Variants in STXBP3 observed in about 807,000 individuals in gnomAD.
STXBP3 encodes syntaxin-binding protein 3.
STXBP3 carries 41 observed loss-of-function variants against 85.7 expected under a neutral mutation model. The ratio of observed to expected loss-of-function variants is 0.48; its 90% CI spans 0.37 to 0.62. The LOEUF (loss-of-function observed/expected upper bound fraction) is 0.62, where lower values mean the gene tolerates loss of function less well. Ranked by LOEUF, STXBP3 falls within the 20% of genes least tolerant of loss-of-function variation. The pLI is 0.00. For synonymous variants in STXBP3, 229 were observed against 231.7 expected (o/e 0.99, Z 0.10); for missense variants, 563 against 703.1 (o/e 0.80, Z 2.25).
chr1:108,808,416 G>A (rs1465967114), intron 18 of STXBP3, among the ~76,000 whole-genome samples: 3 of 152,208 alleles, frequency 2.0e-5, no homozygotes, highest in East Asian at 1.9e-4. Flanking sequence ...CCATGGAGGC[G>A]ATGGATCTGT....
chr1:108,782,812 C>A, intron 11 of STXBP3, 106 bp downstream of exon 11: 1 of 1,085,132 alleles, frequency 9.2e-7, no homozygotes, highest in Non-Finnish European at 1.3e-6. Flanking sequence ...AAAGTTCTAA[C>A]ATGGAGGTAG....
chr1:108,772,942 G>GCTCT, intron 7 of STXBP3, 123 bp downstream of exon 7: 1 of 905,820 alleles, frequency 1.1e-6, no homozygotes, highest in East Asian at 3.4e-5. Flanking sequence ...TGATTACCAT[G>GCTCT]CTCTACATAT....
intron 8 of STXBP3, 28 bp downstream of exon 8, chr1:108,776,451 A>G (rs1304117038): frequency 5.3e-6 from 8 of 1,506,614 alleles, no homozygotes; most frequent in East Asian, 2.3e-5. Context: ...AGTAATGACT[A>G]TGCATAAAGT....
At chr1:108,766,913 A>G (rs771383068) in intron 6 of STXBP3, 6 of 531,750 alleles carry the variant, frequency 1.1e-5, no homozygotes, top group African/African-American at 1.9e-5. Context: ...AGAAACTGTA[A>G]TATGGAACTG....
chr1:108,772,211 TGTATC>T, intron 6 of STXBP3, among the ~76,000 whole-genome samples: 1 of 57,038 alleles, frequency 1.8e-5, no homozygotes, highest in Non-Finnish European at 4.3e-5. Flanking sequence ...GATATCTATC[TGTATC>T]ATATATAAAT....
chr1:108,793,157 A>ATTTTTTTTTC lies in STXBP3; in HGVS notation c.964-416_964-415insCTTTTTTTTT, dbSNP rs751400870. On this transcript the variant is annotated intron_variant, in intron 11 of 18. Coordinates refer to ENST00000370008, the MANE Select transcript of STXBP3 (RefSeq NM_007269.4). ...CTCACAGCCCCAAGCTCTTATCTCC[A>ATTTTTTTTTC]TTTTTTTTTTTTTTTTTTTTTTTTT... Among the ~76,000 whole-genome samples, 5 of 67,510 alleles carry ATTTTTTTTTC rather than the reference A, an allele frequency of 7.4e-5. 1 individual carries two copies. The highest frequency in any genetic ancestry group is 9.3e-4 in the East Asian group (2 of 2,154). The allele number at this position is 67,510 out of a possible 152,430, so 44.3% of individuals were successfully genotyped here. A position where few individuals can be genotyped will look rare whatever the true frequency, so the allele number is the denominator to read the frequency against.
rs115084184 is a variant in STXBP3 at position 108,773,538 on chromosome 1, G to A, written c.593+719G>A. ...ATTTAAGAAAGATTAATAAAAACAG[G>A]ATCATTTTTTTGCCCAGTTATTCTA... On this transcript the variant is annotated intron_variant, in intron 7 of 18. Coordinates refer to ENST00000370008, the MANE Select transcript of STXBP3 (RefSeq NM_007269.4). Among the ~76,000 whole-genome samples, 1,362 of 152,204 alleles carry A rather than the reference G, an allele frequency of 8.9e-3. 7 individuals are homozygous for A. The highest frequency in any genetic ancestry group is 0.014 in the Non-Finnish European group (964 of 68,006).
At chr1:108,774,792 C>T (rs1004869889) in intron 7 of STXBP3, among the ~76,000 whole-genome samples, 3 of 151,792 alleles carry the variant, frequency 2.0e-5, no homozygotes, top group Admixed American at 2.0e-4. Flanking sequence ...ACATTCTGGA[C>T]TCAGTGGAGC....
intron 3 of STXBP3, among the ~76,000 whole-genome samples, chr1:108,753,840 A>G (rs989445852): frequency 2.4e-4 from 36 of 152,130 alleles, no homozygotes; most frequent in Non-Finnish European, 4.4e-4. Context: ...CTATGAAGAC[A>G]GATAAATACT....
At chr1:108,782,985 C>G (rs553750335) in intron 11 of STXBP3, among the ~76,000 whole-genome samples, 1 of 152,186 alleles carries the variant, frequency 6.6e-6, no homozygotes, top group Non-Finnish European at 1.5e-5. Flanking sequence ...TCACTGCAGT[C>G]TCCGCCTCCC....
chr1:108,773,052 A>G (rs1016669971), intron 7 of STXBP3, among the ~76,000 whole-genome samples: 2 of 152,168 alleles, frequency 1.3e-5, no homozygotes, highest in Non-Finnish European at 2.9e-5. Flanking sequence ...ACGGTTTTTC[A>G]TCAGTTTAAA....
At chr1:108,787,990 C>G (rs1662894544) in intron 11 of STXBP3, among the ~76,000 whole-genome samples, 1 of 151,958 alleles carries the variant, frequency 6.6e-6, no homozygotes, top group South Asian at 2.1e-4. Context: ...CAGAATTTCA[C>G]CATATTGCTC....
intron 11 of STXBP3, among the ~76,000 whole-genome samples, chr1:108,787,832 C>T (rs898926274): frequency 1.3e-5 from 2 of 151,898 alleles, no homozygotes; most frequent in Non-Finnish European, 1.5e-5. Flanking sequence ...TTCTGTCACC[C>T]AGGCTGGAGT....
intron 6 of STXBP3, among the ~76,000 whole-genome samples, chr1:108,765,846 A>ATTTTT (rs1221460441): frequency 2.7e-5 from 2 of 74,016 alleles, no homozygotes; most frequent in African/African-American, 5.9e-5. Flanking sequence ...TGCTCCCGGC[A>ATTTTT]TTTTTTTTTT....
chr1:108,748,344 G>A (rs1245171934), intron 1 of STXBP3, among the ~76,000 whole-genome samples: 6 of 151,988 alleles, frequency 3.9e-5, no homozygotes, highest in African/African-American at 7.2e-5. Flanking sequence ...AACAAAGTGA[G>A]ACCCCATCTC....
At chr1:108,769,149 G>A (rs573207471) in intron 6 of STXBP3, among the ~76,000 whole-genome samples, 50 of 152,152 alleles carry the variant, frequency 3.3e-4, no homozygotes, top group Admixed American at 2.6e-3. Flanking sequence ...AAAAGAAAAT[G>A]TTATTAAGAA....
chr1:108,746,814 G>A, intron 1 of STXBP3, 28 bp downstream of exon 1: 1 of 1,548,452 alleles, frequency 6.5e-7, no homozygotes, highest in Non-Finnish European at 8.7e-7. Context: ...GGGGTTGAGA[G>A]AGGGAAGGCC....
intron 17 of STXBP3, among the ~76,000 whole-genome samples, chr1:108,802,309 A>AT (rs1663249067): frequency 6.6e-6 from 1 of 152,308 alleles, no homozygotes; most frequent in African/African-American, 2.4e-5. Flanking sequence ...AGGCAGGAGA[A>AT]TCGCTTGAAC....
rs189107602 is a variant in STXBP3 at position 108,790,273 on chromosome 1, A to T, written c.964-3309A>T. Among the ~76,000 whole-genome samples, 94 of 152,308 alleles carry T rather than the reference A, an allele frequency of 6.2e-4. 1 individual carries two copies. The highest frequency in any genetic ancestry group is 5.5e-3 in the Admixed American group (84 of 15,302). ...CTGATAAAGCTATGTTAAGTTCATT[A>T]TACATTTAAGATAGCTATCTTTCTG... On this transcript the variant is annotated intron_variant, in intron 11 of 18. Coordinates refer to ENST00000370008, the MANE Select transcript of STXBP3 (RefSeq NM_007269.4).
Sources: gnomAD v4.1 joint callset for allele counts (sites outside exome capture counted in the v4.1 genomes callset) on GRCh38, gnomAD v4.1.1 for gene constraint, MANE v1.5 for transcripts, NCBI Gene and HGNC (gene_info 2026-07-23, HGNC 2026-07-21) for gene names.